DLG2: variants seen among roughly 807,000 people sequenced by gnomAD.
DLG2 encodes the protein disks large homolog 2.
DLG2 carries 45 observed loss-of-function variants against 132.5 expected under a neutral mutation model. The observed-to-expected ratio is 0.34, with a 90% CI of 0.27 to 0.44. The LOEUF is 0.44. DLG2 is among the 20% of genes least tolerant of loss of function. The pLI is 1.00. For missense variants in DLG2, 1,045 were observed against 1,196.9 expected, an observed-to-expected ratio of 0.87 and a Z score of 1.87; for synonymous variants, 424 against 419.6, an observed-to-expected ratio of 1.01 and a Z score of -0.13.
intron 15 of DLG2, among the ~76,000 whole-genome samples, chr11:83,921,376 C>A (rs1053336157): frequency 3.9e-5 from 6 of 152,096 alleles, no homozygotes; most frequent in Non-Finnish European, 8.8e-5. Context: ...TTTCTGATGA[C>A]CTCATTTGCA....
At chr11:83,961,122 G>T (rs974129697) in intron 14 of DLG2, among the ~76,000 whole-genome samples, 2 of 152,014 alleles carry the variant, frequency 1.3e-5, no homozygotes, top group African/African-American at 4.8e-5. Context: ...CTTATAATGT[G>T]CCAGGCACCT....
At chr11:83,978,543 A>G (rs1407038823) in intron 12 of DLG2, among the ~76,000 whole-genome samples, 1 of 152,156 alleles carries the variant, frequency 6.6e-6, no homozygotes, top group Non-Finnish European at 1.5e-5. Flanking sequence ...CATCATAAGA[A>G]CAAACTTTTA....
chr11:85,159,300 C>T (rs964381733), intron 4 of DLG2, among the ~76,000 whole-genome samples: 1 of 152,162 alleles, frequency 6.6e-6, no homozygotes, highest in African/African-American at 2.4e-5. Flanking sequence ...TTCTGCAGTG[C>T]CAGAATGCAT....
intron 21 of DLG2, among the ~76,000 whole-genome samples, chr11:83,521,688 C>T (rs145929864): frequency 7.2e-5 from 11 of 152,226 alleles, no homozygotes; most frequent in Non-Finnish European, 1.2e-4. Context: ...GCCTTTTACC[C>T]CTTCTCTACC....
chr11:85,509,620 C>T (rs755042399), intron 3 of DLG2, among the ~76,000 whole-genome samples: 10 of 151,924 alleles, frequency 6.6e-5, no homozygotes, highest in Non-Finnish European at 1.3e-4. Context: ...CGATATCCTC[C>T]GATGTATCTA....
At chr11:85,581,975 G>A (rs1356324925) in intron 3 of DLG2, among the ~76,000 whole-genome samples, 1 of 152,180 alleles carries the variant, frequency 6.6e-6, no homozygotes, top group African/African-American at 2.4e-5. Flanking sequence ...AAGTGTAATA[G>A]GCATTTGGTC....
At chr11:83,778,141 C>T (rs1042269463) in intron 18 of DLG2, among the ~76,000 whole-genome samples, 1 of 85,054 alleles carries the variant, frequency 1.2e-5, no homozygotes, top group South Asian at 4.0e-4. Flanking sequence ...TTAAAGCTGT[C>T]TTGCTTTATA....
intron 6 of DLG2, among the ~76,000 whole-genome samples, chr11:84,763,009 T>G (rs948082696): frequency 6.6e-6 from 1 of 152,174 alleles, no homozygotes; most frequent in Non-Finnish European, 1.5e-5. Context: ...AAGGCCCTCA[T>G]AGACATGCCA....
chr11:84,503,136 G>T (rs1165572145), intron 7 of DLG2, among the ~76,000 whole-genome samples: 1 of 152,210 alleles, frequency 6.6e-6, no homozygotes, highest in East Asian at 1.9e-4. Flanking sequence ...TAATCTGTTG[G>T]AAAAGTGAGA....
At chr11:85,100,300 A>T (rs1263768465) in intron 6 of DLG2, among the ~76,000 whole-genome samples, 1 of 152,252 alleles carries the variant, frequency 6.6e-6, no homozygotes, top group East Asian at 1.9e-4. Flanking sequence ...CAATAAAATT[A>T]ACATGAATTG....
chr11:84,794,385 G>T (rs910532250), intron 6 of DLG2, among the ~76,000 whole-genome samples: 1 of 152,180 alleles, frequency 6.6e-6, no homozygotes, highest in African/African-American at 2.4e-5. Flanking sequence ...TACAGCTGGG[G>T]CTGTGTACTC....
At chr11:84,586,711 AT>A (rs1228110052) in intron 6 of DLG2, among the ~76,000 whole-genome samples, 1 of 151,828 alleles carries the variant, frequency 6.6e-6, no homozygotes, top group African/African-American at 2.4e-5. Flanking sequence ...ATTGATTAGA[AT>A]TTTTTATATA....
At chr11:84,816,432 T>C (rs1212468688) in intron 6 of DLG2, among the ~76,000 whole-genome samples, 1 of 151,902 alleles carries the variant, frequency 6.6e-6, no homozygotes, top group Non-Finnish European at 1.5e-5. Flanking sequence ...TAAGGCCGTT[T>C]GAAATCTAAT....
chr11:83,911,810 A>C (rs537374464), intron 15 of DLG2, among the ~76,000 whole-genome samples: 1 of 152,256 alleles, frequency 6.6e-6, no homozygotes, highest in Non-Finnish European at 1.5e-5. Flanking sequence ...TAGGAAATAA[A>C]ATGACATTCT....
chr11:85,252,359 C>T (rs2152697951), intron 4 of DLG2, among the ~76,000 whole-genome samples: 1 of 152,266 alleles, frequency 6.6e-6, no homozygotes, highest in East Asian at 1.9e-4. Context: ...GAGGCCAAGG[C>T]AGGCGGATCA....
chr11:84,113,944 C>A (rs1356759100), intron 9 of DLG2, among the ~76,000 whole-genome samples: 1 of 151,940 alleles, frequency 6.6e-6, no homozygotes, highest in Non-Finnish European at 1.5e-5. Context: ...CTGCCTTTCT[C>A]CATTCACAGA....
intron 3 of DLG2, among the ~76,000 whole-genome samples, chr11:85,369,315 C>G (rs1411779499): frequency 6.6e-6 from 1 of 152,172 alleles, no homozygotes; most frequent in Admixed American, 6.5e-5. Context: ...TTCCCTTTCC[C>G]CCCGCCAAGA....
intron 18 of DLG2, among the ~76,000 whole-genome samples, chr11:83,720,294 GAAAAA>G (rs10573464): frequency 4.1e-3 from 112 of 27,282 alleles, no homozygotes; most frequent in South Asian, 0.015. Context: ...CTCCATCTCA[GAAAAA>G]AAAAAAAAAA....
At chr11:84,745,453 G>A (rs916389857) in intron 6 of DLG2, among the ~76,000 whole-genome samples, 5 of 152,096 alleles carry the variant, frequency 3.3e-5, no homozygotes, top group African/African-American at 1.2e-4. Flanking sequence ...AGTTTTCTGA[G>A]GCCTCTCCAG....
Sources: allele counts gnomAD v4.1 joint callset (sites outside exome capture counted in the v4.1 genomes callset), GRCh38; gene constraint gnomAD v4.1.1; transcripts MANE v1.5; gene names NCBI Gene and HGNC (gene_info 2026-07-23, HGNC 2026-07-21).